The following ACTR3C variants were observed in gnomAD, a reference collection of about 807,000 sequenced individuals.
The protein encoded by ACTR3C is actin-related protein 3C.
Under a neutral mutation model 26.3 loss-of-function variants are expected in ACTR3C, and 18 were observed. The ratio of observed to expected loss-of-function variants is 0.68; its 90% CI spans 0.47 to 1.01. ACTR3C has a LOEUF of 1.01. Ranked by LOEUF, ACTR3C falls within the 50% of genes least tolerant of loss-of-function variation. The probability of loss-of-function intolerance (pLI) is 0.00; values close to 1 mark genes in which losing one functional copy is unlikely to be tolerated. For synonymous variants in ACTR3C, 55 were observed against 94.5 expected (o/e 0.58, Z 2.42); for missense variants, 184 against 250.7 (o/e 0.73, Z 1.80).
In ACTR3C at chr7:150,286,621, A is replaced by G. The variant is rs1835797828; in HGVS notation, c.298-81T>C. On this transcript the variant is annotated intron_variant, in intron 4 of 7. Transcript: ENST00000683684. ...CCTCAGACAAATAACCAGGAAGCCC[A>G]TGCAGTAAACACACCCTGGGATCAG... 7 of 1,572,778 alleles carry G rather than the reference A, an allele frequency of 4.5e-6. No individual in the cohort carries two copies. The South Asian group carries it at 4.8e-5, about 11-fold the overall frequency.
the ACTR3C span, among the ~76,000 whole-genome samples, chr7:150,019,701 G>GGA: frequency 1.2e-3 from 182 of 151,706 alleles, 6 homozygotes; most frequent in South Asian, 0.024. Context: ...TTTGAAATGA[G>GGA]GAGTTTTTCA....
At chr7:150,047,543 A>C in the ACTR3C span, 16 of 279,648 alleles carry the variant, frequency 5.7e-5, no homozygotes, top group Non-Finnish European at 8.6e-5. Flanking sequence ...CCCCCGGCCG[A>C]CGCGTCTCGC....
chr7:150,078,767 T>C, the ACTR3C span, among the ~76,000 whole-genome samples: 5 of 152,222 alleles, frequency 3.3e-5, no homozygotes, highest in Admixed American at 6.5e-5. Flanking sequence ...AGCATTTGAA[T>C]TGGTAGATGA....
At chr7:150,130,342 ACTCAG>A in the ACTR3C span, among the ~76,000 whole-genome samples, 4 of 152,158 alleles carry the variant, frequency 2.6e-5, no homozygotes, top group South Asian at 6.2e-4. Context: ...AAATTAAAAG[ACTCAG>A]CTCTTCAAAA....
chr7:149,976,141 T>G, the ACTR3C span, among the ~76,000 whole-genome samples: 2 of 152,238 alleles, frequency 1.3e-5, no homozygotes, highest in African/African-American at 4.8e-5. Flanking sequence ...TTTTCATGTT[T>G]AGAAAGCTAT....
At chr7:150,162,805 C>G in the ACTR3C span, among the ~76,000 whole-genome samples, 1 of 152,128 alleles carries the variant, frequency 6.6e-6, no homozygotes, top group Non-Finnish European at 1.5e-5. Flanking sequence ...AAAATTATCT[C>G]TACACTAAAA....
the ACTR3C span, among the ~76,000 whole-genome samples, chr7:150,180,268 G>A: frequency 6.7e-6 from 1 of 149,852 alleles, no homozygotes; most frequent in Non-Finnish European, 1.5e-5. Flanking sequence ...TCGCGCCACT[G>A]CACTCCAGCC....
the ACTR3C span, among the ~76,000 whole-genome samples, chr7:150,024,409 C>T: frequency 4.0e-5 from 6 of 151,306 alleles, no homozygotes; most frequent in East Asian, 2.0e-4. Flanking sequence ...GTGGGTCCCC[C>T]GGCTCTCTCT....
At chr7:150,297,301 G>C (rs1189922527) in intron 1 of ACTR3C, among the ~76,000 whole-genome samples, 1 of 150,746 alleles carries the variant, frequency 6.6e-6, no homozygotes, top group Admixed American at 6.6e-5. Context: ...CACATTATAT[G>C]TATCAAAACT....
At chr7:150,014,922 T>C in the ACTR3C span, among the ~76,000 whole-genome samples, 2 of 152,204 alleles carry the variant, frequency 1.3e-5, 1 homozygote, top group South Asian at 4.1e-4. Context: ...CTCCATAAGT[T>C]CAGTGTTTGA....
chr7:150,102,426 G>C, the ACTR3C span, among the ~76,000 whole-genome samples: 5 of 151,976 alleles, frequency 3.3e-5, no homozygotes, highest in Admixed American at 1.3e-4. Flanking sequence ...GGCACATTTT[G>C]TTAAATATTT....
At chr7:150,122,520 A>T in the ACTR3C span, among the ~76,000 whole-genome samples, 18 of 152,358 alleles carry the variant, frequency 1.2e-4, no homozygotes, top group Middle Eastern at 3.4e-3. Flanking sequence ...GAGAAATACA[A>T]ATCAAAACCA....
the ACTR3C span, among the ~76,000 whole-genome samples, chr7:150,117,555 A>G: frequency 2.0e-5 from 3 of 152,368 alleles, no homozygotes; most frequent in African/African-American, 7.2e-5. Context: ...TGGGCAGGGC[A>G]TCTCTGAAAG....
chr7:150,196,651 T>C, the ACTR3C span, among the ~76,000 whole-genome samples: 1 of 152,236 alleles, frequency 6.6e-6, no homozygotes, highest in Admixed American at 6.5e-5. Flanking sequence ...TGCAGAATAG[T>C]AGAGAGTTAG....
chr7:150,322,065 TC>T (rs759045653), intron 1 of ACTR3C, among the ~76,000 whole-genome samples: 1 of 152,266 alleles, frequency 6.6e-6, no homozygotes, highest in Non-Finnish European at 1.5e-5. Flanking sequence ...CATTTTGTGC[TC>T]GTCCAGGGAA....
the ACTR3C span, among the ~76,000 whole-genome samples, chr7:149,983,429 T>TTGTATGTATGTGTGTG: frequency 4.5e-4 from 7 of 15,630 alleles, no homozygotes; most frequent in African/African-American, 9.8e-4. Flanking sequence ...GGTGTGTGTG[T>TTGTATGTATGTGTGTG]TGTGTGTATG....
At chr7:150,240,374 G>T (rs1002491518), downstream of ACTR3C, among the ~76,000 whole-genome samples, 1 of 152,108 alleles carries the variant, frequency 6.6e-6, no homozygotes, top group Non-Finnish European at 1.5e-5. Context: ...GCTCATTACA[G>T]CATTGCTTGT....
chr7:149,886,485 T>C, the ACTR3C span, among the ~76,000 whole-genome samples: 1 of 152,130 alleles, frequency 6.6e-6, no homozygotes, highest in African/African-American at 2.4e-5. Context: ...AACCAAGATA[T>C]TCCTGGAAAA....
chr7:150,043,896 T>C, the ACTR3C span, among the ~76,000 whole-genome samples: 1 of 152,200 alleles, frequency 6.6e-6, no homozygotes. Context: ...TAACAGAATG[T>C]TGACATTATA....
Sources: allele counts gnomAD v4.1 joint callset (sites outside exome capture counted in the v4.1 genomes callset), GRCh38; gene constraint gnomAD v4.1.1; transcripts MANE v1.5; gene names NCBI Gene and HGNC (gene_info 2026-07-23, HGNC 2026-07-21).